The following PLEKHD1 variants were observed in gnomAD, a reference collection of about 807,000 sequenced individuals.
PLEKHD1 encodes pleckstrin homology domain-containing family D member 1.
A neutral mutation model predicts 69.2 loss-of-function variants in PLEKHD1; 51 were observed. The ratio of observed to expected loss-of-function variants is 0.74; its 90% CI spans 0.59 to 0.93. PLEKHD1 has a LOEUF of 0.93. Among genes scored for constraint, PLEKHD1 ranks in the 40% least tolerant of loss-of-function variants. PLEKHD1 has a pLI of 0.00. For missense variants in PLEKHD1, 584 were observed against 641.0 expected (o/e 0.91, Z 0.96); for synonymous variants, 236 against 244.7 (o/e 0.96, Z 0.33).
At position 69,484,786 on chromosome 14, in the gene PLEKHD1, G is replaced by A; in HGVS notation, c.-180G>A. ...CCAAGCCGCCGGCTACGCGCCCTGC[G>A]CCCCCTTGGTGCCGCGTCCAGTGCC... On this transcript the variant is annotated 5_prime_UTR_variant, in exon 1 of 13. Coordinates refer to ENST00000322564, the MANE Select transcript of PLEKHD1 (RefSeq NM_001161498.2). 2 of 648,984 alleles carry A rather than the reference G, an allele frequency of 3.1e-6. No individual in the cohort carries two copies. Among genetic ancestry groups the A allele is most frequent in the Non-Finnish European group, 4.9e-6 (2 of 405,234 alleles). The allele number at this position is 648,984 out of a possible 1,614,324, so 40.2% of individuals were successfully genotyped here. A position where few individuals can be genotyped will look rare whatever the true frequency, so the allele number is the denominator to read the frequency against.
the PLEKHD1 span, among the ~76,000 whole-genome samples, chr14:69,478,844 A>C: frequency 6.6e-6 from 1 of 151,900 alleles, no homozygotes; most frequent in East Asian, 1.9e-4. Context: ...AACCGTTCCA[A>C]CCTCTGTCTG....
chr14:69,476,257 CAA>C, the PLEKHD1 span, among the ~76,000 whole-genome samples: 4 of 77,314 alleles, frequency 5.2e-5, no homozygotes, highest in Admixed American at 1.6e-4. Context: ...GACTCTGTCT[CAA>C]AAAAAAAAAA....
chr14:69,506,782 G>A (rs1257877142), intron 6 of PLEKHD1, among the ~76,000 whole-genome samples: 1 of 150,608 alleles, frequency 6.6e-6, no homozygotes, highest in African/African-American at 2.5e-5. Context: ...TACATCCTCT[G>A]GATTTTGGCA....
chr14:69,468,426 C>T, the PLEKHD1 span, among the ~76,000 whole-genome samples: 1 of 152,128 alleles, frequency 6.6e-6, no homozygotes, highest in Non-Finnish European at 1.5e-5. Flanking sequence ...GAAAATTATA[C>T]CCTCAAATTT....
chr14:69,485,502 G>T (rs1177881100), intron 1 of PLEKHD1, among the ~76,000 whole-genome samples: 1 of 152,060 alleles, frequency 6.6e-6, no homozygotes, highest in Non-Finnish European at 1.5e-5. Context: ...CAATTCCATC[G>T]TCTTCACAAC....
intron 6 of PLEKHD1, among the ~76,000 whole-genome samples, chr14:69,517,882 A>G (rs527439017): frequency 6.6e-6 from 1 of 152,106 alleles, no homozygotes; most frequent in Non-Finnish European, 1.5e-5. Flanking sequence ...CTCTACATAG[A>G]ACCATGTCCC....
the PLEKHD1 span, among the ~76,000 whole-genome samples, chr14:69,476,339 G>A: frequency 1.3e-5 from 2 of 149,646 alleles, no homozygotes; most frequent in Admixed American, 1.3e-4. Context: ...AGGATCTTTC[G>A]AGCCCAGTAG....
At position 69,501,757 on chromosome 14, in the gene PLEKHD1, G is replaced by C; in HGVS notation, c.434G>C (p.Gly145Ala). The C allele has an allele frequency of 3.9e-6, 6 of 1,551,514 alleles. No homozygotes were observed. The highest frequency in any genetic ancestry group is 1.2e-5 in the South Asian group (1 of 84,020). Residue 145 changes from glycine to alanine, a missense_variant, in exon 5 of 13, where the codon GGA (glycine) becomes GCA (alanine). Transcript: ENST00000322564. ...GKVTWKNAQL[G>A]EAMIKSLEAQ... is the part of the protein sequence containing the mutation. ...AGGACCTGGAAGAATGCCCAGCTGGGAGAAGCCATGATCAAAAGCCTGGAG... is the reference window on the plus strand; with the variant it reads ...AGGACCTGGAAGAATGCCCAGCTGGCAGAAGCCATGATCAAAAGCCTGGAG...
At position 69,507,158 on chromosome 14, in the gene PLEKHD1, G is replaced by A. The variant is rs143956896; in HGVS notation, c.555+4279G>A. ...CCCCTCCTCGGCCTCCCAAAGTGCT[G>A]GGATTACAGGCATGAGCCACCGTGC... On this transcript the variant is annotated intron_variant, in intron 6 of 12. Transcript: ENST00000322564. Among the ~76,000 whole-genome samples, 460 of 152,166 alleles carry A rather than the reference G, an allele frequency of 3.0e-3. 2 individuals are homozygous for A. The highest frequency in any genetic ancestry group is 0.011 in the African/African-American group (445 of 41,512).
intron 6 of PLEKHD1, among the ~76,000 whole-genome samples, chr14:69,507,720 T>G (rs897810497): frequency 6.6e-6 from 1 of 152,150 alleles, no homozygotes; most frequent in East Asian, 1.9e-4. Context: ...TTATTTCAAT[T>G]TTTAGTTTTT....
rs1883005617 is a variant in PLEKHD1 at position 69,500,740 on chromosome 14, T to A, written c.333+74T>A. 2.0e-6 allele frequency: 3 copies of A among 1,516,668 alleles called. No homozygotes were observed. The African/African-American group carries it at 4.1e-5, about 21-fold the overall frequency. 94.0% of individuals were successfully genotyped at this position (1,516,668 alleles called of 1,614,324 possible). On this transcript the variant is annotated intron_variant, in intron 3 of 12. Coordinates refer to ENST00000322564, the MANE Select transcript of PLEKHD1 (RefSeq NM_001161498.2). ...CTCTCAGGCCTCTTCAGGACACACA[T>A]CCCATGTCCTGGCCTGGGAGAGGGG...
In PLEKHD1 at chr14:69,526,584, A is replaced by C. The variant is rs969571005; in HGVS notation, c.924-113A>C. The C allele has an allele frequency of 1.4e-5, 18 of 1,313,224 alleles. No individual in the cohort carries two copies. The Admixed American group carries it at 5.5e-4, about 40-fold the overall frequency. 81.3% of individuals were successfully genotyped at this position (1,313,224 alleles called of 1,614,324 possible). The stretch of plus-strand genomic sequence containing the variant: ...GGACCCACAAAGTTCAGGGGCTCAT[A>C]AAGCCTGGGATTCAAGGTTTCTCCA... On this transcript the variant is annotated intron_variant, in intron 9 of 12. Coordinates refer to ENST00000322564, the MANE Select transcript of PLEKHD1 (RefSeq NM_001161498.2).
chr14:69,495,838 CT>C (rs1383232954), intron 1 of PLEKHD1, among the ~76,000 whole-genome samples: 1 of 152,236 alleles, frequency 6.6e-6, no homozygotes, highest in Non-Finnish European at 1.5e-5. Context: ...CCAATTCCCC[CT>C]AACCTGCTTT....
At position 69,512,639 on chromosome 14, in the gene PLEKHD1, CAT is replaced by C. The variant is rs535110157; in HGVS notation, c.556-9643_556-9642del. Among the ~76,000 whole-genome samples the C allele has an allele frequency of 2.1e-4, 32 of 152,244 alleles. No homozygotes were observed. In the East Asian group the frequency reaches 5.8e-3, roughly 28 times the overall value. On this transcript the variant is annotated intron_variant, in intron 6 of 12. Transcript: ENST00000322564. ...TTCTCTTGATATTTCTTCTTTGACA[CAT>C]GTGTTATTTAGAAATGTGTTCTTTA... is the stretch of plus-strand genomic sequence containing the variant.
At chr14:69,523,667 A>G (rs141334231) in intron 7 of PLEKHD1, among the ~76,000 whole-genome samples, 136 of 152,332 alleles carry the variant, frequency 8.9e-4, no homozygotes, top group African/African-American at 3.0e-3. Context: ...ATTGAGACAC[A>G]TGCATGATGC....
intron 6 of PLEKHD1, among the ~76,000 whole-genome samples, chr14:69,512,814 C>T (rs1421018156): frequency 6.6e-6 from 1 of 151,608 alleles, no homozygotes; most frequent in Non-Finnish European, 1.5e-5. Context: ...GTAATCCCAG[C>T]ACTTTGGGAA....
upstream of PLEKHD1, among the ~76,000 whole-genome samples, chr14:69,480,964 A>G (rs928304584): frequency 2.0e-5 from 3 of 152,226 alleles, no homozygotes; most frequent in Non-Finnish European, 4.4e-5. Flanking sequence ...GAAATATAAG[A>G]TTGAAGAGAT....
intron 6 of PLEKHD1, among the ~76,000 whole-genome samples, chr14:69,511,709 C>G (rs550149095): frequency 1.3e-5 from 2 of 152,032 alleles, no homozygotes; most frequent in Non-Finnish European, 2.9e-5. Context: ...GCCACCATAC[C>G]TGGCTAAGTT....
chr14:69,467,833 T>G, the PLEKHD1 span, among the ~76,000 whole-genome samples: 1 of 152,184 alleles, frequency 6.6e-6, no homozygotes, highest in Non-Finnish European at 1.5e-5. Context: ...CTGCTTATTA[T>G]CAACCCTCAA....
Sources: gnomAD v4.1 joint callset for allele counts (sites outside exome capture counted in the v4.1 genomes callset) on GRCh38, gnomAD v4.1.1 for gene constraint, MANE v1.5 for transcripts, NCBI Gene and HGNC (gene_info 2026-07-23, HGNC 2026-07-21) for gene names.